Variants in XKR4 observed in about 807,000 individuals in gnomAD.
XKR4 encodes XK-related protein 4.
Under a neutral mutation model 53.9 loss-of-function variants are expected in XKR4, and 12 were observed. The observed-to-expected ratio is 0.22, with a 90% CI of 0.14 to 0.36. The LOEUF is 0.36. XKR4 is among the 10% of genes least tolerant of loss of function. The pLI is 1.00. For missense variants in XKR4, 799 were observed against 859.5 expected (o/e 0.93, Z 0.88); for synonymous variants, 354 against 362.4 (o/e 0.98, Z 0.26).
intron 2 of XKR4, among the ~76,000 whole-genome samples, chr8:55,493,969 T>C (rs1267842471): frequency 6.6e-6 from 1 of 152,252 alleles, no homozygotes; most frequent in African/African-American, 2.4e-5. Flanking sequence ...GAAATCTCTG[T>C]GGCTAGTGGT....
chr8:55,506,350 G>T (rs1221960672), intron 2 of XKR4, among the ~76,000 whole-genome samples: 9 of 152,130 alleles, frequency 5.9e-5, no homozygotes, highest in South Asian at 2.1e-4. Context: ...CAGCCACAAG[G>T]TTTCCCACTC....
chr8:55,329,053 C>T (rs1024456679), intron 1 of XKR4, among the ~76,000 whole-genome samples: 1 of 152,092 alleles, frequency 6.6e-6, no homozygotes, highest in Non-Finnish European at 1.5e-5. Context: ...CAAGGTGGCC[C>T]CTCAGTGAAT....
At chr8:55,486,100 A>G (rs1481905171) in intron 2 of XKR4, among the ~76,000 whole-genome samples, 1 of 152,194 alleles carries the variant, frequency 6.6e-6, no homozygotes, top group Non-Finnish European at 1.5e-5. Context: ...AATTCTAATG[A>G]CAGTCACACA....
chr8:55,533,344 T>C lies in XKR4; in HGVS notation c.*9117T>C, dbSNP rs2129406888. 6.6e-6 allele frequency: 1 copy of C among 152,334 alleles called. No individual in the cohort carries two copies. Among genetic ancestry groups the C allele is most frequent in the East Asian group, 1.9e-4 (1 of 5,194 alleles). 9.4% of individuals were successfully genotyped at this position (152,334 alleles called of 1,614,324 possible). A position where few individuals can be genotyped will look rare whatever the true frequency, so the allele number is the denominator to read the frequency against. ...TTAACATAACCAAAAAAAGGAGACC[T>C]GTCAGCTAGTGAAAGAATTGTCATT... On this transcript the variant is annotated 3_prime_UTR_variant, in exon 3 of 3. Transcript: ENST00000327381.
intron 1 of XKR4, among the ~76,000 whole-genome samples, chr8:55,153,672 C>A (rs1816868040): frequency 6.6e-6 from 1 of 152,178 alleles, no homozygotes; most frequent in African/African-American, 2.4e-5. Flanking sequence ...GAATTCCTTT[C>A]TCTTTGAAAG....
In XKR4 at chr8:55,527,578, G is replaced by A. The variant is rs986844686; in HGVS notation, c.*3351G>A. 1.3e-5 allele frequency: 2 copies of A among 152,172 alleles called. No homozygotes were observed. Among genetic ancestry groups the A allele is most frequent in the African/African-American group, 4.8e-5 (2 of 41,458 alleles). 9.4% of individuals were successfully genotyped at this position (152,172 alleles called of 1,614,324 possible). A position where few individuals can be genotyped will look rare whatever the true frequency, so the allele number is the denominator to read the frequency against. ...AAAGAAAAGGAAATAATTTTTCCATGTAAGTCAAAGTTTAGTCTCCCAAAA... is the reference window on the plus strand; with the variant it reads ...AAAGAAAAGGAAATAATTTTTCCATATAAGTCAAAGTTTAGTCTCCCAAAA... On this transcript the variant is annotated 3_prime_UTR_variant, in exon 3 of 3. Coordinates refer to ENST00000327381, the MANE Select transcript of XKR4 (RefSeq NM_052898.2).
At chr8:55,495,414 G>A (rs1002288712) in intron 2 of XKR4, among the ~76,000 whole-genome samples, 1 of 152,172 alleles carries the variant, frequency 6.6e-6, no homozygotes, top group Non-Finnish European at 1.5e-5. Context: ...CCCAGCTCCT[G>A]CTGGCTCCAT....
intron 1 of XKR4, among the ~76,000 whole-genome samples, chr8:55,117,350 A>G (rs1262093807): frequency 2.0e-5 from 3 of 152,348 alleles, no homozygotes; most frequent in East Asian, 3.9e-4. Context: ...TTTGCAAATA[A>G]GATTAGCTGC....
chr8:55,126,262 G>A (rs949772496), intron 1 of XKR4, among the ~76,000 whole-genome samples: 4 of 152,322 alleles, frequency 2.6e-5, no homozygotes, highest in African/African-American at 9.6e-5. Flanking sequence ...TAATGGCTGT[G>A]TGCTGGGAAA....
At chr8:55,510,322 G>T (rs1037353612) in intron 2 of XKR4, among the ~76,000 whole-genome samples, 2 of 152,206 alleles carry the variant, frequency 1.3e-5, no homozygotes, top group Non-Finnish European at 2.9e-5. Context: ...GCAGAAGGTG[G>T]ACGAGAAGCG....
chr8:55,327,312 A>G (rs892011455), intron 1 of XKR4, among the ~76,000 whole-genome samples: 37 of 152,268 alleles, frequency 2.4e-4, no homozygotes, highest in Admixed American at 1.8e-3. Context: ...TAAAATGTTT[A>G]TAATATATGC....
chr8:55,305,413 G>A (rs182033267), intron 1 of XKR4, among the ~76,000 whole-genome samples: 218 of 152,174 alleles, frequency 1.4e-3, no homozygotes, highest in African/African-American at 4.8e-3. Flanking sequence ...GGGGGTCACC[G>A]GAAGGCTACA....
intron 1 of XKR4, among the ~76,000 whole-genome samples, chr8:55,262,298 C>T (rs2129371279): frequency 6.6e-6 from 1 of 152,250 alleles, no homozygotes; most frequent in Middle Eastern, 3.4e-3. Context: ...TATGATTTTT[C>T]CATTAATCTT....
At chr8:55,472,917 G>A (rs1028844484) in intron 2 of XKR4, among the ~76,000 whole-genome samples, 2 of 151,974 alleles carry the variant, frequency 1.3e-5, no homozygotes, top group Non-Finnish European at 2.9e-5. Context: ...AGTGAAACAG[G>A]TCTTCTAATT....
chr8:55,516,906 A>T (rs537333475), intron 2 of XKR4, among the ~76,000 whole-genome samples: 1 of 152,214 alleles, frequency 6.6e-6, no homozygotes, highest in Non-Finnish European at 1.5e-5. Context: ...GATTAAAAAA[A>T]ATATGGTACA....
chr8:55,184,535 T>C (rs1297199257), intron 1 of XKR4, among the ~76,000 whole-genome samples: 1 of 152,234 alleles, frequency 6.6e-6, no homozygotes, highest in African/African-American at 2.4e-5. Flanking sequence ...AGCCTTGACT[T>C]TTCACAATGG....
chr8:55,316,303 A>G (rs1819474671), intron 1 of XKR4, among the ~76,000 whole-genome samples: 2 of 152,152 alleles, frequency 1.3e-5, no homozygotes, highest in Admixed American at 6.5e-5. Flanking sequence ...GGCTGTGAAA[A>G]ATAGGACAGT....
intron 2 of XKR4, among the ~76,000 whole-genome samples, chr8:55,486,624 G>C (rs571218912): frequency 1.3e-5 from 2 of 152,288 alleles, no homozygotes; most frequent in South Asian, 4.1e-4. Context: ...GAGATTTCTT[G>C]TATTTTTTGC....
chr8:55,440,270 G>A (rs767548071), intron 2 of XKR4, among the ~76,000 whole-genome samples: 67 of 152,054 alleles, frequency 4.4e-4, no homozygotes, highest in African/African-American at 1.6e-3. Context: ...CTATAAAAAA[G>A]GTAGAAGATG....
Sources: allele counts gnomAD v4.1 joint callset (sites outside exome capture counted in the v4.1 genomes callset), GRCh38; gene constraint gnomAD v4.1.1; transcripts MANE v1.5; gene names NCBI Gene and HGNC (gene_info 2026-07-23, HGNC 2026-07-21).